Variants in TSPAN15 observed in about 807,000 individuals in gnomAD.
The protein encoded by TSPAN15 is tetraspanin-15.
In TSPAN15, 20 loss-of-function variants were observed where a neutral mutation model predicts 34.5. The ratio of observed to expected loss-of-function variants is 0.58; its 90% CI spans 0.41 to 0.84. The LOEUF is 0.84. Ranked by LOEUF, TSPAN15 falls within the 40% of genes least tolerant of loss-of-function variation. The pLI is 0.00. For synonymous variants in TSPAN15, 155 were observed against 153.9 expected, an observed-to-expected ratio of 1.01 and a Z score of -0.05; for missense variants, 313 against 386.1, an observed-to-expected ratio of 0.81 and a Z score of 1.59.
At chr10:69,483,909 T>C in intron 2 of TSPAN15, 33 bp downstream of exon 2, 1 of 1,594,666 alleles carries the variant, frequency 6.3e-7, no homozygotes, top group Non-Finnish European at 8.6e-7. Flanking sequence ...CAGCCGGGAC[T>C]CCCCAGGAGA....
At chr10:69,543,844 A>AGTGT in the TSPAN15 span, among the ~76,000 whole-genome samples, 1,775 of 73,768 alleles carry the variant, frequency 0.024, 78 homozygotes, top group East Asian at 0.063. Context: ...GAAGAAGGGG[A>AGTGT]GTGTGTGTGT....
the TSPAN15 span, among the ~76,000 whole-genome samples, chr10:69,527,401 G>A: frequency 1.4e-5 from 2 of 147,404 alleles, no homozygotes; most frequent in Non-Finnish European, 3.0e-5. Context: ...TTCAAGACCA[G>A]CCTAACCAAC....
intron 3 of TSPAN15, among the ~76,000 whole-genome samples, chr10:69,485,801 A>G (rs1043041420): frequency 3.3e-5 from 5 of 152,102 alleles, no homozygotes; most frequent in African/African-American, 1.2e-4. Flanking sequence ...GGAATGGGGT[A>G]AGATTGCTTG....
the TSPAN15 span, among the ~76,000 whole-genome samples, chr10:69,513,528 CTT>C: frequency 1.3e-5 from 2 of 152,140 alleles, no homozygotes; most frequent in Non-Finnish European, 2.9e-5. Flanking sequence ...TTTTCAGTCT[CTT>C]AATGGTGTTT....
At chr10:69,465,264 G>A (rs1841359267) in intron 1 of TSPAN15, among the ~76,000 whole-genome samples, 2 of 152,182 alleles carry the variant, frequency 1.3e-5, no homozygotes, top group South Asian at 4.1e-4. Context: ...CACTAGGTGG[G>A]TAGACTCATG....
At chr10:69,517,573 G>A in the TSPAN15 span, among the ~76,000 whole-genome samples, 7 of 152,186 alleles carry the variant, frequency 4.6e-5, no homozygotes, top group African/African-American at 1.4e-4. Flanking sequence ...GAGCCACCTG[G>A]ATAGAGAGTG....
chr10:69,500,247 C>A (rs367997334), intron 5 of TSPAN15, among the ~76,000 whole-genome samples: 3 of 152,148 alleles, frequency 2.0e-5, no homozygotes, highest in Admixed American at 6.5e-5. Context: ...CGGCTGGAGG[C>A]CTCAGCCACA....
At chr10:69,494,859 C>T (rs1036598270) in intron 3 of TSPAN15, 10 of 985,534 alleles carry the variant, frequency 1.0e-5, no homozygotes, top group Non-Finnish European at 1.2e-5. Flanking sequence ...CCCGCCCCTT[C>T]CCACTGTGGG....
intron 5 of TSPAN15, among the ~76,000 whole-genome samples, chr10:69,500,121 G>A (rs1054553014): frequency 4.6e-5 from 7 of 152,178 alleles, no homozygotes; most frequent in Non-Finnish European, 1.0e-4. Flanking sequence ...TGATCCAGGG[G>A]TCATAGGTCA....
At chr10:69,549,074 A>C in the TSPAN15 span, among the ~76,000 whole-genome samples, 1 of 151,988 alleles carries the variant, frequency 6.6e-6, no homozygotes. Flanking sequence ...TCAAGCACTC[A>C]ATGATGTAAA....
At chr10:69,548,700 A>G in the TSPAN15 span, among the ~76,000 whole-genome samples, 2 of 151,986 alleles carry the variant, frequency 1.3e-5, no homozygotes, top group Non-Finnish European at 2.9e-5. Context: ...AGAAAGTTTC[A>G]GAAACATGCA....
At chr10:69,547,612 T>C in the TSPAN15 span, among the ~76,000 whole-genome samples, 2 of 152,208 alleles carry the variant, frequency 1.3e-5, no homozygotes, top group African/African-American at 4.8e-5. Flanking sequence ...ACATCTGGAC[T>C]AAGACCCAGA....
In TSPAN15 at chr10:69,456,243, A is replaced by C. The variant is rs1320460272; in HGVS notation, c.96+4553A>C. Among the ~76,000 whole-genome samples, 6 of 152,020 alleles carry C rather than the reference A, an allele frequency of 3.9e-5. No individual in the cohort carries two copies. In the East Asian group the frequency reaches 1.2e-3, roughly 29 times the overall value. On this transcript the variant is annotated intron_variant, in intron 1 of 7. Coordinates refer to ENST00000373290, the MANE Select transcript of TSPAN15 (RefSeq NM_012339.5). ...GCTAGGACTACAGGCGCCTACTACC[A>C]CGATGGGCTAATTTTTGTATTTTTG...
intron 1 of TSPAN15, among the ~76,000 whole-genome samples, chr10:69,477,282 A>T (rs941132565): frequency 5.9e-5 from 9 of 151,994 alleles, no homozygotes; most frequent in African/African-American, 2.2e-4. Flanking sequence ...CTACAGGTGC[A>T]CGCCACCACA....
At chr10:69,455,594 T>C (rs867172618) in intron 1 of TSPAN15, among the ~76,000 whole-genome samples, 68 of 114,430 alleles carry the variant, frequency 5.9e-4, no homozygotes, top group South Asian at 2.0e-3. Context: ...TTCTTTCTCT[T>C]TCTTTCTTTC....
At chr10:69,497,543 C>T (rs1005923198) in intron 4 of TSPAN15, among the ~76,000 whole-genome samples, 3 of 152,300 alleles carry the variant, frequency 2.0e-5, no homozygotes, top group Non-Finnish European at 4.4e-5. Flanking sequence ...TAGAGCTGCC[C>T]CTCCCCACTT....
At chr10:69,494,510 G>T (rs896907035) in intron 3 of TSPAN15, 11 of 347,380 alleles carry the variant, frequency 3.2e-5, no homozygotes, top group Middle Eastern at 1.5e-3. Flanking sequence ...GGCCCAGGTG[G>T]CTGTAGGGAG....
At chr10:69,488,681 G>A (rs912351574) in intron 3 of TSPAN15, among the ~76,000 whole-genome samples, 1 of 152,172 alleles carries the variant, frequency 6.6e-6, no homozygotes, top group African/African-American at 2.4e-5. Flanking sequence ...GAGCCTTAAA[G>A]CCAGCAAGTT....
At chr10:69,516,327 C>T in the TSPAN15 span, among the ~76,000 whole-genome samples, 1 of 152,192 alleles carries the variant, frequency 6.6e-6, no homozygotes, top group Non-Finnish European at 1.5e-5. Context: ...AGGATTTGAA[C>T]CACTCTGCCT....
Sources: gnomAD v4.1 joint callset for allele counts (sites outside exome capture counted in the v4.1 genomes callset) on GRCh38, gnomAD v4.1.1 for gene constraint, MANE v1.5 for transcripts, NCBI Gene and HGNC (gene_info 2026-07-23, HGNC 2026-07-21) for gene names.